The following FSTL5 variants were observed in gnomAD, a reference collection of about 807,000 sequenced individuals.
FSTL5 encodes follistatin-related protein 5.
In FSTL5, 62 loss-of-function variants were observed where a neutral mutation model predicts 89.1. The observed-to-expected ratio is 0.70, with a 90% CI of 0.57 to 0.86. The LOEUF (loss-of-function observed/expected upper bound fraction) is 0.86, where lower values mean the gene tolerates loss of function less well. Ranked by LOEUF, FSTL5 falls within the 40% of genes least tolerant of loss-of-function variation. FSTL5 has a pLI of 0.00. For synonymous variants in FSTL5, 383 were observed against 346.2 expected (o/e 1.11, Z -1.18); for missense variants, 1,057 against 1,001.6 (o/e 1.06, Z -0.75).
chr4:161,713,193 A>T (rs1242301207), intron 6 of FSTL5, among the ~76,000 whole-genome samples: 1 of 152,220 alleles, frequency 6.6e-6, no homozygotes, highest in African/African-American at 2.4e-5. Flanking sequence ...CTTGCTACAA[A>T]AAGAATTGTC....
chr4:161,446,950 A>AG (rs1451980389), intron 15 of FSTL5, among the ~76,000 whole-genome samples: 1 of 152,054 alleles, frequency 6.6e-6, no homozygotes, highest in Non-Finnish European at 1.5e-5. Context: ...TATGTAAGAC[A>AG]GAAAAAAAAG....
chr4:161,398,614 A>G (rs554514024), intron 15 of FSTL5, among the ~76,000 whole-genome samples: 1 of 152,198 alleles, frequency 6.6e-6, no homozygotes, highest in Non-Finnish European at 1.5e-5. Flanking sequence ...TTTCAACTTC[A>G]TTATGTTTTA....
chr4:162,012,129 G>A (rs1016570756), intron 3 of FSTL5, among the ~76,000 whole-genome samples: 13 of 152,114 alleles, frequency 8.5e-5, no homozygotes, highest in Non-Finnish European at 1.6e-4. Context: ...TAATATCCAC[G>A]AATATACTGT....
At chr4:161,998,747 TTAAA>T (rs1483461163) in intron 3 of FSTL5, among the ~76,000 whole-genome samples, 2 of 152,086 alleles carry the variant, frequency 1.3e-5, no homozygotes, top group East Asian at 1.9e-4. Flanking sequence ...AAATGGAAAC[TTAAA>T]TAGTTAGGTC....
intron 4 of FSTL5, among the ~76,000 whole-genome samples, chr4:161,783,167 A>C (rs546798868): frequency 1.3e-5 from 2 of 152,208 alleles, no homozygotes; most frequent in South Asian, 2.1e-4. Flanking sequence ...TTTACCCCCC[A>C]AAAATACAAT....
At chr4:161,591,477 A>T (rs1191470931) in intron 7 of FSTL5, among the ~76,000 whole-genome samples, 1 of 152,198 alleles carries the variant, frequency 6.6e-6, no homozygotes, top group Non-Finnish European at 1.5e-5. Flanking sequence ...AGAATATCAG[A>T]GTAAAGCTGT....
intron 3 of FSTL5, among the ~76,000 whole-genome samples, chr4:161,938,990 G>A (rs897353191): frequency 4.0e-5 from 6 of 151,658 alleles, no homozygotes; most frequent in African/African-American, 1.5e-4. Flanking sequence ...AGTTAAAAGG[G>A]CAATTAGCAT....
At chr4:162,113,292 T>A (rs1339348331) in intron 1 of FSTL5, among the ~76,000 whole-genome samples, 1 of 131,232 alleles carries the variant, frequency 7.6e-6, no homozygotes, top group African/African-American at 2.8e-5. Flanking sequence ...ATCTCTTGTT[T>A]ACCCTTTAGA....
At chr4:162,016,800 G>A (rs530253607) in intron 3 of FSTL5, among the ~76,000 whole-genome samples, 13 of 152,314 alleles carry the variant, frequency 8.5e-5, no homozygotes, top group Middle Eastern at 6.8e-3. Context: ...AATTTGGGAA[G>A]TCAAAGAGAA....
intron 1 of FSTL5, among the ~76,000 whole-genome samples, chr4:162,136,119 G>A (rs1042050562): frequency 7.9e-5 from 12 of 151,716 alleles, no homozygotes; most frequent in Non-Finnish European, 1.6e-4. Flanking sequence ...CATGTCTTAA[G>A]TTAAAAAATA....
chr4:162,087,625 G>A (rs1561011617), intron 2 of FSTL5, among the ~76,000 whole-genome samples: 1 of 152,060 alleles, frequency 6.6e-6, no homozygotes. Context: ...GAATTCTGGG[G>A]CATTTGTGTA....
chr4:161,767,757 T>C (rs1217337934), intron 5 of FSTL5, among the ~76,000 whole-genome samples: 3 of 152,110 alleles, frequency 2.0e-5, no homozygotes, highest in Non-Finnish European at 4.4e-5. Flanking sequence ...GAGTTCCACA[T>C]ACTCATTCTG....
intron 6 of FSTL5, among the ~76,000 whole-genome samples, chr4:161,736,684 G>C (rs1462662385): frequency 6.6e-6 from 1 of 152,082 alleles, no homozygotes; most frequent in East Asian, 1.9e-4. Context: ...TAGAGAGCCA[G>C]GTGAGGGGGC....
At chr4:162,083,800 A>G (rs972169025) in intron 2 of FSTL5, among the ~76,000 whole-genome samples, 2 of 151,862 alleles carry the variant, frequency 1.3e-5, no homozygotes, top group African/African-American at 4.8e-5. Flanking sequence ...AACATTACTG[A>G]AAACATAAAG....
rs1414769221 is a variant in FSTL5, at chr4:162,001,655, A to G, written c.160+31970T>C. Among the ~76,000 whole-genome samples, 3 of 149,092 alleles carry G rather than the reference A, an allele frequency of 2.0e-5. No homozygotes were observed. In the East Asian group the frequency reaches 6.2e-4, roughly 31 times the overall value. On this transcript the variant is annotated intron_variant, in intron 3 of 15. Coordinates refer to ENST00000306100, the MANE Select transcript of FSTL5 (RefSeq NM_020116.5). Reference sequence around the variant, plus strand: ...GTGTAAGAGTGTATATACATGTGTAACATTCAACTAGTGATGTATACATGT... The same window carrying G: ...GTGTAAGAGTGTATATACATGTGTAGCATTCAACTAGTGATGTATACATGT...
At chr4:161,809,207 A>C (rs1398389405) in intron 4 of FSTL5, among the ~76,000 whole-genome samples, 3 of 152,214 alleles carry the variant, frequency 2.0e-5, no homozygotes, top group Non-Finnish European at 4.4e-5. Context: ...CAACACAGCG[A>C]GACTCCATCT....
At chr4:161,646,253 C>G (rs966710627) in intron 7 of FSTL5, among the ~76,000 whole-genome samples, 9 of 147,032 alleles carry the variant, frequency 6.1e-5, no homozygotes, top group Non-Finnish European at 1.3e-4. Flanking sequence ...TTTTCTAGCT[C>G]TCTCTCTATA....
intron 6 of FSTL5, among the ~76,000 whole-genome samples, chr4:161,719,784 C>A (rs7692078): frequency 1.7e-3 from 253 of 152,110 alleles, no homozygotes; most frequent in African/African-American, 5.8e-3. Context: ...TATTGTAATG[C>A]AAACAATTTT....
At chr4:161,566,099 ACTAT>A (rs1323389072) in intron 8 of FSTL5, among the ~76,000 whole-genome samples, 6 of 24,652 alleles carry the variant, frequency 2.4e-4, no homozygotes, top group African/African-American at 7.8e-4. Flanking sequence ...TTTTTTTTGG[ACTAT>A]ATATATATAT....
Sources: gnomAD v4.1 joint callset for allele counts (sites outside exome capture counted in the v4.1 genomes callset) on GRCh38, gnomAD v4.1.1 for gene constraint, MANE v1.5 for transcripts, NCBI Gene and HGNC (gene_info 2026-07-23, HGNC 2026-07-21) for gene names.